THRAP3: variants seen among roughly 807,000 people sequenced by gnomAD.
THRAP3 encodes thyroid hormone receptor associated protein 3.
THRAP3 carries 16 observed loss-of-function variants against 101.0 expected under a neutral mutation model. The ratio of observed to expected loss-of-function variants is 0.16; its 90% CI spans 0.11 to 0.24. THRAP3 has a LOEUF of 0.24. THRAP3 is among the 10% of genes least tolerant of loss of function. The pLI is 1.00. For synonymous variants in THRAP3, 407 were observed against 422.6 expected (o/e 0.96, Z 0.45); for missense variants, 989 against 1,202.7 (o/e 0.82, Z 2.63).
intron 2 of THRAP3, among the ~76,000 whole-genome samples, chr1:36,260,837 AAAG>A (rs1645436817): frequency 1.3e-5 from 2 of 151,948 alleles, no homozygotes; most frequent in Middle Eastern, 3.4e-3. Context: ...AAAAAAAAAA[AAAG>A]GCACTCTGGT....
At chr1:36,288,686 G>C in intron 4 of THRAP3, 1 of 985,466 alleles carries the variant, frequency 1.0e-6, no homozygotes, top group Non-Finnish European at 1.2e-6. Context: ...GCTGAAAGCA[G>C]ATTTTAAGTG....
chr1:36,299,024 G>A (rs1178648920), intron 9 of THRAP3, among the ~76,000 whole-genome samples: 1 of 152,044 alleles, frequency 6.6e-6, no homozygotes, highest in Non-Finnish European at 1.5e-5. Context: ...GAACTCCTGG[G>A]CTCAAGCAAT....
chr1:36,259,633 A>G (rs1645419110), intron 2 of THRAP3, 149 bp downstream of exon 2: 3 of 378,516 alleles, frequency 7.9e-6, no homozygotes, highest in Admixed American at 9.1e-5. Context: ...AGGCCTGGTG[A>G]TACACATCTG....
At chr1:36,273,979 G>C (rs1337908902) in intron 2 of THRAP3, among the ~76,000 whole-genome samples, 3 of 151,348 alleles carry the variant, frequency 2.0e-5, no homozygotes, top group Non-Finnish European at 4.4e-5. Flanking sequence ...GGAGGTGGAG[G>C]CTGCAGTGAG....
intron 3 of THRAP3, among the ~76,000 whole-genome samples, chr1:36,284,207 C>T (rs1645767969): frequency 6.6e-6 from 1 of 152,100 alleles, no homozygotes; most frequent in South Asian, 2.1e-4. Context: ...GCTGGAATTC[C>T]GGGCAGTTCT....
At chr1:36,237,563 G>T (rs1229491436) in intron 1 of THRAP3, among the ~76,000 whole-genome samples, 2 of 151,884 alleles carry the variant, frequency 1.3e-5, no homozygotes, top group Non-Finnish European at 2.9e-5. Flanking sequence ...TTGAGGTCAG[G>T]AGTTCAAGAT....
chr1:36,251,885 C>T (rs1277140443), intron 1 of THRAP3, among the ~76,000 whole-genome samples: 1 of 152,090 alleles, frequency 6.6e-6, no homozygotes, highest in Non-Finnish European at 1.5e-5. Context: ...GTCACTTATC[C>T]GGGGTCTCAC....
At chr1:36,210,746 A>ATATCATATATATATCATATATATATCAT in the THRAP3 span, among the ~76,000 whole-genome samples, 13 of 98,860 alleles carry the variant, frequency 1.3e-4, no homozygotes, top group Non-Finnish European at 2.6e-4. Context: ...TCATATATAT[A>ATATCATATATATATCATATATATATCAT]AAGTGTCAGC....
chr1:36,242,766 T>TAAGGCATATAG (rs758832290), intron 1 of THRAP3, among the ~76,000 whole-genome samples: 1 of 152,226 alleles, frequency 6.6e-6, no homozygotes, highest in Non-Finnish European at 1.5e-5. Context: ...TTTGATTTTC[T>TAAGGCATATAG]AAGGCATATA....
intron 4 of THRAP3, chr1:36,288,761 GGTTTTT>G (rs1262146961): frequency 2.0e-6 from 2 of 985,380 alleles, no homozygotes; most frequent in African/African-American, 3.5e-5. Flanking sequence ...CAGGTAAGTA[GGTTTTT>G]GTTTTTGTTT....
intron 1 of THRAP3, among the ~76,000 whole-genome samples, chr1:36,255,879 C>T (rs953727713): frequency 2.0e-5 from 3 of 151,952 alleles, no homozygotes; most frequent in African/African-American, 7.3e-5. Context: ...TGGTATGGTC[C>T]TAGAATGTTA....
At chr1:36,268,072 C>T (rs1444709044) in intron 2 of THRAP3, among the ~76,000 whole-genome samples, 1 of 151,764 alleles carries the variant, frequency 6.6e-6, no homozygotes, top group African/African-American at 2.4e-5. Flanking sequence ...CCCAGCTACT[C>T]GGGAGGCTGA....
In THRAP3 at chr1:36,287,184, T is replaced by C. The variant is rs1237108338; in HGVS notation, c.954T>C (p.Gly318=). 2 of 1,613,948 alleles carry C rather than the reference T, an allele frequency of 1.2e-6. No individual in the cohort carries two copies. Among genetic ancestry groups the C allele is most frequent in the African/African-American group, 2.7e-5 (2 of 74,872 alleles). Residue 318 remains glycine (G), a synonymous_variant, in exon 4 of 12, where the codon GGT becomes GGC. Transcript: ENST00000354618. ...SLSPSKKSPV[G]KSPPSTGSTY... Reference sequence around the variant, plus strand: ...GTCCATCCAAAAAGAGCCCTGTGGGTAAGAGTCCACCATCCACTGGCTCCA... The same window carrying C: ...GTCCATCCAAAAAGAGCCCTGTGGGCAAGAGTCCACCATCCACTGGCTCCA...
chr1:36,230,697 TGA>T (rs1322780633), intron 1 of THRAP3, among the ~76,000 whole-genome samples: 1 of 152,196 alleles, frequency 6.6e-6, no homozygotes, highest in East Asian at 1.9e-4. Context: ...GCCACAGAGT[TGA>T]GTTATACCAC....
chr1:36,235,695 C>T (rs1327734048), intron 1 of THRAP3, among the ~76,000 whole-genome samples: 1 of 152,106 alleles, frequency 6.6e-6, no homozygotes, highest in Non-Finnish European at 1.5e-5. Context: ...TAGAGGACAA[C>T]ACTATGTACT....
intron 11 of THRAP3, among the ~76,000 whole-genome samples, chr1:36,302,311 G>A (rs1227710246): frequency 4.6e-5 from 7 of 152,226 alleles, no homozygotes; most frequent in Non-Finnish European, 8.8e-5. Context: ...AGGAGCAGCT[G>A]AATCTCCATC....
chr1:36,231,959 G>A (rs1645033159), intron 1 of THRAP3, among the ~76,000 whole-genome samples: 1 of 152,184 alleles, frequency 6.6e-6, no homozygotes, highest in Admixed American at 6.6e-5. Flanking sequence ...GTTCACGCCT[G>A]TAATCCCAGC....
intron 1 of THRAP3, among the ~76,000 whole-genome samples, chr1:36,237,496 C>G (rs1294665827): frequency 7.0e-6 from 1 of 141,914 alleles, no homozygotes; most frequent in Non-Finnish European, 1.5e-5. Flanking sequence ...AAAGGCTGGG[C>G]GCGATGGCTC....
intron 4 of THRAP3, chr1:36,287,679 A>G: frequency 2.0e-6 from 2 of 985,414 alleles, no homozygotes; most frequent in Non-Finnish European, 2.4e-6. Flanking sequence ...GCATCAGCCT[A>G]TCATGGTGAA....
Sources: gnomAD v4.1 joint callset for allele counts (sites outside exome capture counted in the v4.1 genomes callset) on GRCh38, gnomAD v4.1.1 for gene constraint, MANE v1.5 for transcripts, NCBI Gene and HGNC (gene_info 2026-07-23, HGNC 2026-07-21) for gene names.